The following ZNF680 variants were observed in gnomAD, a reference collection of about 807,000 sequenced individuals.
ZNF680 encodes the protein zinc finger protein 680, also known as hypothetical protein FLJ90430.
In ZNF680, 6 loss-of-function variants were observed where a neutral mutation model predicts 12.1. The ratio of observed to expected loss-of-function variants is 0.49; its 90% CI spans 0.27 to 0.98. The LOEUF (loss-of-function observed/expected upper bound fraction) is 0.98. ZNF680 is among the 50% of genes least tolerant of loss of function. The pLI is 0.12. For synonymous variants in ZNF680, 170 were observed against 199.3 expected (o/e 0.85, Z 1.24); for missense variants, 561 against 616.3 (o/e 0.91, Z 0.95).
intron 3 of ZNF680, chr7:64,526,359 GTTA>G (rs1791841816): frequency 7.8e-7 from 1 of 1,284,148 alleles, no homozygotes; most frequent in South Asian, 2.8e-5. Flanking sequence ...AGGTGACAGT[GTTA>G]TGATTCATTA....
intron 3 of ZNF680, 131 bp from the exon 4 acceptor site, chr7:64,522,631 A>G: frequency 1.4e-6 from 1 of 711,956 alleles, no homozygotes; most frequent in Non-Finnish European, 2.0e-6. Context: ...AAATCCTAAA[A>G]GTTAAAAAAA....
chr7:64,508,457 G>A, the ZNF680 span, among the ~76,000 whole-genome samples: 2 of 152,024 alleles, frequency 1.3e-5, no homozygotes, highest in Admixed American at 6.6e-5. Context: ...CTTGTTTTCA[G>A]GCTTAACACT....
At chr7:64,558,225 T>C (rs1787529498) in intron 1 of ZNF680, among the ~76,000 whole-genome samples, 2 of 152,070 alleles carry the variant, frequency 1.3e-5, no homozygotes, top group South Asian at 4.1e-4. Flanking sequence ...GGTGGGGATA[T>C]GCAGGAGACT....
chr7:64,535,700 T>A (rs1344376501), intron 3 of ZNF680, among the ~76,000 whole-genome samples: 6 of 151,912 alleles, frequency 3.9e-5, no homozygotes, highest in Non-Finnish European at 1.5e-5. Flanking sequence ...TCCCAGCACT[T>A]TGGGAGTCCG....
At position 64,521,388 on chromosome 7, in the gene ZNF680, G is replaced by C; in HGVS notation, c.1366C>G (p.His456Asp). Residue 456 changes from histidine (H) to aspartate (D), a missense_variant, in exon 4 of 4, where the codon CAT becomes GAT. Physicochemically the swap from His to Asp is moderately conservative, Grantham distance 81. Transcript: ENST00000309683. ...CATTTGTAGGATTTCTCTCCAGTATGAATTACTTTATGGTTAGTAAGGGTT... is the reference window on the plus strand; with the variant it reads ...CATTTGTAGGATTTCTCTCCAGTATCAATTACTTTATGGTTAGTAAGGGTT... ...FSTLTNHKVI[H>D]TGEKSYKCDE... 6.2e-7 allele frequency: 1 copy of C among 1,613,588 alleles called. No individual in the cohort carries two copies. The highest frequency in any genetic ancestry group is 1.7e-5 in the Admixed American group (1 of 59,982).
At chr7:64,509,034 TCCCCC>T in the ZNF680 span, among the ~76,000 whole-genome samples, 1 of 152,106 alleles carries the variant, frequency 6.6e-6, no homozygotes, top group Non-Finnish European at 1.5e-5. Context: ...GTAAATACCC[TCCCCC>T]TCTCCATTTG....
At chr7:64,531,588 C>T (rs1192089953) in intron 3 of ZNF680, among the ~76,000 whole-genome samples, 1 of 123,864 alleles carries the variant, frequency 8.1e-6, no homozygotes, top group East Asian at 2.1e-4. Flanking sequence ...CACAGTGAGA[C>T]TCCGTCTCAA....
At chr7:64,506,651 A>G in the ZNF680 span, among the ~76,000 whole-genome samples, 1 of 152,234 alleles carries the variant, frequency 6.6e-6, no homozygotes, top group Non-Finnish European at 1.5e-5. Flanking sequence ...CACAGATATA[A>G]CAATGCAAAT....
chr7:64,504,456 T>A, the ZNF680 span, among the ~76,000 whole-genome samples: 1 of 152,358 alleles, frequency 6.6e-6, no homozygotes, highest in East Asian at 1.9e-4. Context: ...ATATGTTTTA[T>A]GGAATTTGGT....
At chr7:64,526,815 GA>G (rs1791877128) in intron 3 of ZNF680, among the ~76,000 whole-genome samples, 1 of 152,172 alleles carries the variant, frequency 6.6e-6, no homozygotes, top group Admixed American at 6.5e-5. Context: ...AAGTTGTTAT[GA>G]AATTAAAATA....
rs570664886 is a variant in ZNF680, at chr7:64,531,968, CA to C, written c.254-9469del. 6.6e-5 allele frequency among the ~76,000 whole-genome samples: 10 copies of C among 151,870 alleles called. No individual in the cohort carries two copies. In the South Asian group the frequency reaches 1.0e-3, roughly 16 times the overall value. On this transcript the variant is annotated intron_variant, in intron 3 of 3. Coordinates refer to ENST00000309683, the MANE Select transcript of ZNF680 (RefSeq NM_178558.5). ...AGAGCAAAACTAAATGAAACTGAAG[CA>C]AAAAAATACAAAAGATAAATGAAAC... is the stretch of plus-strand genomic sequence containing the variant.
At chr7:64,513,090 G>A in the ZNF680 span, among the ~76,000 whole-genome samples, 34,273 of 151,934 alleles carry the variant, frequency 0.23, 4,055 homozygotes, top group South Asian at 0.28. Flanking sequence ...AAAAGCGTAT[G>A]TGCCCCTAAC....
intron 3 of ZNF680, among the ~76,000 whole-genome samples, chr7:64,535,448 C>CAG (rs1414595168): frequency 1.4e-5 from 2 of 143,146 alleles, no homozygotes; most frequent in Non-Finnish European, 3.1e-5. Context: ...GAGAGAGAGA[C>CAG]AGAGAGAGAG....
downstream of ZNF680, among the ~76,000 whole-genome samples, chr7:64,515,040 TCACACACACACACACACA>T (rs60936039): frequency 6.7e-6 from 1 of 149,078 alleles, no homozygotes; most frequent in African/African-American, 2.5e-5. Context: ...CAAAACTCTG[TCACACACACACACACACA>T]CACACACACA....
intron 3 of ZNF680, among the ~76,000 whole-genome samples, chr7:64,538,823 T>C (rs1008638187): frequency 2.6e-5 from 4 of 152,180 alleles, no homozygotes; most frequent in African/African-American, 9.7e-5. Flanking sequence ...ATGTTTCTTG[T>C]ACCAGCATCA....
chr7:64,558,040 G>C (rs1787518033), intron 1 of ZNF680, among the ~76,000 whole-genome samples: 1 of 152,174 alleles, frequency 6.6e-6, no homozygotes. Flanking sequence ...AAATCCACAG[G>C]TGGAGGATAG....
the ZNF680 span, among the ~76,000 whole-genome samples, chr7:64,499,712 C>T: frequency 5.9e-5 from 9 of 152,186 alleles, no homozygotes; most frequent in Admixed American, 2.6e-4. Context: ...CCATTGCACT[C>T]CGGCCTGGGT....
the ZNF680 span, among the ~76,000 whole-genome samples, chr7:64,499,984 G>C: frequency 2.0e-5 from 3 of 152,326 alleles, no homozygotes; most frequent in East Asian, 5.8e-4. Context: ...CTCCCTCCCA[G>C]ATAAGCACAA....
At chr7:64,535,540 A>T (rs1786119479) in intron 3 of ZNF680, among the ~76,000 whole-genome samples, 1 of 152,200 alleles carries the variant, frequency 6.6e-6, no homozygotes, top group African/African-American at 2.4e-5. Flanking sequence ...TCATTTTAGC[A>T]TTGAGTCAAA....
Sources: gnomAD v4.1 joint callset for allele counts (sites outside exome capture counted in the v4.1 genomes callset) on GRCh38, gnomAD v4.1.1 for gene constraint, MANE v1.5 for transcripts, NCBI Gene and HGNC (gene_info 2026-07-23, HGNC 2026-07-21) for gene names.